KCTD16: variants seen among roughly 807,000 people sequenced by gnomAD.
KCTD16 encodes potassium channel tetramerization domain containing 16.
KCTD16 carries 13 observed loss-of-function variants against 33.2 expected under a neutral mutation model. The observed-to-expected ratio is 0.39, with a 90% confidence interval of 0.25 to 0.62. The LOEUF (loss-of-function observed/expected upper bound fraction) is 0.62, where lower values mean the gene tolerates loss of function less well. Among genes scored for constraint, KCTD16 ranks in the 20% least tolerant of loss-of-function variants. The pLI, the probability that KCTD16 is intolerant of heterozygous loss-of-function variation, is 0.50. For missense variants in KCTD16, 441 were observed against 525.1 expected, an observed-to-expected ratio of 0.84 and a Z score of 1.57; for synonymous variants, 197 against 195.3, an observed-to-expected ratio of 1.01 and a Z score of -0.07.
rs1400204406 is a variant in KCTD16 at position 144,207,380 on chromosome 5, C to T, written c.666C>T (p.Tyr222=). 6.2e-6 allele frequency: 10 copies of T among 1,614,078 alleles called. No homozygotes were observed. The highest frequency in any genetic ancestry group is 7.6e-6 in the Non-Finnish European group (9 of 1,180,052). Residue 222 remains tyrosine, a synonymous_variant, in exon 3 of 4, where the codon TAC becomes TAT. Transcript: ENST00000512467. ...SRDPDRAPER[Y]TSRFYLKFKH... is the part of the protein sequence containing the mutation. ...ACCCTGATCGAGCCCCAGAAAGATA[C>T]ACCTCCAGATTTTATCTCAAATTCA...
chr5:144,443,453 C>T (rs1753756366), intron 3 of KCTD16, among the ~76,000 whole-genome samples: 2 of 151,722 alleles, frequency 1.3e-5, no homozygotes, highest in Admixed American at 1.3e-4. Flanking sequence ...CTTACTTCAT[C>T]ATTCTAGAAA....
At position 144,224,383 on chromosome 5, in the gene KCTD16, GTTTTTTTTTT is replaced by G. The variant is rs530446253; in HGVS notation, c.832+16849_832+16858del. ...TATTTTTATTGGATCAATATAATGT[GTTTTTTTTTT>G]TTTTTTTTTTTCCTCCAAAGGGCTC... On this transcript the variant is annotated intron_variant, in intron 3 of 3. Coordinates refer to ENST00000512467, the MANE Select transcript of KCTD16 (RefSeq NM_020768.4). Among the ~76,000 whole-genome samples the G allele has an allele frequency of 7.0e-5, 7 of 100,348 alleles. No individual in the cohort carries two copies. The Admixed American group carries it at 8.6e-4, about 12-fold the overall frequency. 65.8% of individuals were successfully genotyped at this position (100,348 alleles called of 152,430 possible).
intron 3 of KCTD16, among the ~76,000 whole-genome samples, chr5:144,433,417 G>T (rs865805870): frequency 1.3e-5 from 2 of 152,072 alleles, no homozygotes; most frequent in South Asian, 4.1e-4. Flanking sequence ...ATGAATCCAT[G>T]GTAGTGCAGA....
intron 3 of KCTD16, among the ~76,000 whole-genome samples, chr5:144,457,105 T>C (rs1317608046): frequency 6.6e-6 from 1 of 152,264 alleles, no homozygotes; most frequent in Non-Finnish European, 1.5e-5. Flanking sequence ...TGTATTTAAA[T>C]GTAACGCACA....
intron 3 of KCTD16, among the ~76,000 whole-genome samples, chr5:144,230,504 A>G (rs1294110317): frequency 6.6e-6 from 1 of 152,224 alleles, no homozygotes; most frequent in Non-Finnish European, 1.5e-5. Flanking sequence ...GTTTTCAATT[A>G]GGAAAGAACA....
chr5:144,171,243 G>A (rs1036486705), intron 1 of KCTD16, among the ~76,000 whole-genome samples: 2 of 152,168 alleles, frequency 1.3e-5, no homozygotes, highest in Non-Finnish European at 2.9e-5. Flanking sequence ...TTCTTTGAAA[G>A]AGTAACATTC....
chr5:144,400,678 A>G (rs1427944465), intron 3 of KCTD16, among the ~76,000 whole-genome samples: 3 of 152,194 alleles, frequency 2.0e-5, no homozygotes, highest in African/African-American at 7.2e-5. Context: ...CTACCTACAT[A>G]GATCTTACAG....
chr5:144,408,944 G>A lies in KCTD16; in HGVS notation c.833-64716G>A, dbSNP rs1034049906. On this transcript the variant is annotated intron_variant, in intron 3 of 3. Transcript: ENST00000512467. Reference sequence around the variant, plus strand: ...AGGCCATCCCAGGCCACTTTACATAGTATCATGCTCTCTATTGTGTCACAT... The same window carrying A: ...AGGCCATCCCAGGCCACTTTACATAATATCATGCTCTCTATTGTGTCACAT... Among the ~76,000 whole-genome samples, 16 of 152,204 alleles carry A rather than the reference G, an allele frequency of 1.1e-4. 1 individual carries two copies. Among genetic ancestry groups the A allele is most frequent in the Admixed American group, 9.8e-4 (15 of 15,298 alleles).
chr5:144,353,373 G>A (rs933536019), intron 3 of KCTD16, among the ~76,000 whole-genome samples: 1 of 152,150 alleles, frequency 6.6e-6, no homozygotes, highest in Non-Finnish European at 1.5e-5. Context: ...TGAAAGAGAA[G>A]CAGTACAGTG....
intron 2 of KCTD16, among the ~76,000 whole-genome samples, chr5:144,178,224 A>C (rs1421109396): frequency 1.3e-5 from 2 of 152,226 alleles, no homozygotes; most frequent in Admixed American, 6.5e-5. Flanking sequence ...CCAGTTCTTA[A>C]ACAATGTTAT....
chr5:144,397,523 A>G (rs1480494997), intron 3 of KCTD16, among the ~76,000 whole-genome samples: 1 of 152,212 alleles, frequency 6.6e-6, no homozygotes, highest in Non-Finnish European at 1.5e-5. Context: ...TTGTTGAACT[A>G]ACTAGTTTAC....
intron 3 of KCTD16, among the ~76,000 whole-genome samples, chr5:144,261,234 C>A (rs1755004426): frequency 6.8e-6 from 1 of 145,992 alleles, no homozygotes; most frequent in South Asian, 2.2e-4. Flanking sequence ...CAGGAAAATA[C>A]CCTAAAGATT....
At chr5:144,430,060 A>G (rs773238098) in intron 3 of KCTD16, among the ~76,000 whole-genome samples, 40 of 152,236 alleles carry the variant, frequency 2.6e-4, no homozygotes, top group Non-Finnish European at 5.6e-4. Context: ...CAGGTGGTAC[A>G]ATATGAATGT....
At chr5:144,443,643 G>A (rs1053707425) in intron 3 of KCTD16, among the ~76,000 whole-genome samples, 1 of 152,038 alleles carries the variant, frequency 6.6e-6, no homozygotes, top group Non-Finnish European at 1.5e-5. Context: ...TATGTGACAA[G>A]TTACATTAAA....
chr5:144,187,873 C>T (rs1445479536), intron 2 of KCTD16, among the ~76,000 whole-genome samples: 2 of 152,156 alleles, frequency 1.3e-5, no homozygotes, highest in Non-Finnish European at 2.9e-5. Context: ...TTGCCAGCAG[C>T]TCTTCTACTT....
intron 3 of KCTD16, among the ~76,000 whole-genome samples, chr5:144,211,804 G>A (rs188034465): frequency 4.9e-4 from 75 of 152,186 alleles, no homozygotes; most frequent in African/African-American, 1.8e-3. Flanking sequence ...GGTATGTGAT[G>A]TTTGGTCCTT....
intron 3 of KCTD16, among the ~76,000 whole-genome samples, chr5:144,265,485 T>G (rs1179949183): frequency 6.6e-6 from 1 of 152,190 alleles, no homozygotes; most frequent in Non-Finnish European, 1.5e-5. Context: ...ACACTGAAGT[T>G]AAGGAAACAA....
intron 3 of KCTD16, among the ~76,000 whole-genome samples, chr5:144,309,089 T>C (rs1026584922): frequency 6.6e-6 from 1 of 152,206 alleles, no homozygotes; most frequent in Non-Finnish European, 1.5e-5. Flanking sequence ...TGTGATGAAC[T>C]ATCACATTTC....
intron 3 of KCTD16, among the ~76,000 whole-genome samples, chr5:144,358,073 G>A (rs892004926): frequency 6.6e-6 from 1 of 150,542 alleles, no homozygotes; most frequent in African/African-American, 2.5e-5. Flanking sequence ...ACAGGCATAT[G>A]GCACCACACC....
Sources: gnomAD v4.1 joint callset for allele counts (sites outside exome capture counted in the v4.1 genomes callset) on GRCh38, gnomAD v4.1.1 for gene constraint, MANE v1.5 for transcripts, NCBI Gene and HGNC (gene_info 2026-07-23, HGNC 2026-07-21) for gene names.